CLDN16: variants seen among roughly 807,000 people sequenced by gnomAD.
CLDN16 encodes claudin-16.
CLDN16 carries 13 observed loss-of-function variants against 24.6 expected under a neutral mutation model. The ratio of observed to expected loss-of-function variants is 0.53; its 90% CI spans 0.34 to 0.84. The LOEUF is 0.84. Ranked by LOEUF, CLDN16 falls within the 40% of genes least tolerant of loss-of-function variation. The pLI, the probability that CLDN16 is intolerant of heterozygous loss-of-function variation, is 0.01. For synonymous variants in CLDN16, 116 were observed against 106.7 expected (o/e 1.09, Z -0.54); for missense variants, 298 against 292.7 (o/e 1.02, Z -0.13).
chr3:190,349,957 G>T (rs961641773), intron 1 of CLDN16, among the ~76,000 whole-genome samples: 2 of 152,106 alleles, frequency 1.3e-5, no homozygotes, highest in African/African-American at 4.8e-5. Context: ...TGAAGGATTG[G>T]TCTTAAAACC....
At chr3:190,310,004 T>C in the CLDN16 span, among the ~76,000 whole-genome samples, 3 of 152,202 alleles carry the variant, frequency 2.0e-5, no homozygotes, top group African/African-American at 7.2e-5. Flanking sequence ...AAAGCAATTA[T>C]CAAACTCATT....
chr3:190,298,437 T>G, the CLDN16 span, among the ~76,000 whole-genome samples: 1 of 147,746 alleles, frequency 6.8e-6, no homozygotes, highest in East Asian at 2.0e-4. Context: ...ACGTGCAATG[T>G]GTCCTTCTGG....
chr3:190,370,585 C>T (rs867942806), intron 1 of CLDN16, among the ~76,000 whole-genome samples: 7 of 151,884 alleles, frequency 4.6e-5, no homozygotes, highest in Admixed American at 3.9e-4. Context: ...GCTAAACCTA[C>T]GTCATGTGCA....
At chr3:190,297,988 C>T in the CLDN16 span, among the ~76,000 whole-genome samples, 24 of 151,984 alleles carry the variant, frequency 1.6e-4, no homozygotes, top group Admixed American at 2.6e-4. Flanking sequence ...TGAAACTAAA[C>T]GCCCTAATTC....
upstream of CLDN16, among the ~76,000 whole-genome samples, chr3:190,386,587 C>T (rs62278697): frequency 0.19 from 28,345 of 152,036 alleles, 3,081 homozygotes; most frequent in Middle Eastern, 0.29. Context: ...GATTTCATCA[C>T]GCTATTCAGA....
rs1479096605 is a variant in CLDN16, at chr3:190,410,255, C to T, written c.*219C>T. ...GCTAACCTTCCACCTTATGCACACA[C>T]TTTCCCTATATTTTAAGATAAGTCT... On this transcript the variant is annotated 3_prime_UTR_variant, in exon 5 of 5. Coordinates refer to ENST00000264734, the MANE Select transcript of CLDN16 (RefSeq NM_006580.4). 5.4e-6 allele frequency: 3 copies of T among 551,168 alleles called. No individual in the cohort carries two copies. Among genetic ancestry groups the T allele is most frequent in the Middle Eastern group, 4.9e-4 (1 of 2,028 alleles). The allele number at this position is 551,168 out of a possible 1,614,324, so 34.1% of individuals were successfully genotyped here.
chr3:190,401,300 A>G (rs1718955816), intron 1 of CLDN16, among the ~76,000 whole-genome samples: 1 of 28,630 alleles, frequency 3.5e-5, no homozygotes, highest in Admixed American at 3.9e-4. Flanking sequence ...TCCCCACAGC[A>G]ATTTAACCCC....
the CLDN16 span, among the ~76,000 whole-genome samples, chr3:190,302,974 A>T: frequency 2.0e-5 from 3 of 151,894 alleles, no homozygotes; most frequent in Non-Finnish European, 2.9e-5. Flanking sequence ...AGGGCTAGAG[A>T]AATCACATCA....
intron 2 of CLDN16, among the ~76,000 whole-genome samples, chr3:190,372,664 A>C (rs996931657): frequency 3.3e-5 from 5 of 151,844 alleles, no homozygotes; most frequent in African/African-American, 7.2e-5. Flanking sequence ...TAAATACATA[A>C]ATGAGTTAAA....
chr3:190,373,819 A>C (rs1462499468), intron 2 of CLDN16, among the ~76,000 whole-genome samples: 1 of 143,572 alleles, frequency 7.0e-6, no homozygotes, highest in African/African-American at 2.6e-5. Context: ...TATATATTTT[A>C]AATTGCCTAT....
chr3:190,387,882 G>C (rs1359692881), upstream of CLDN16: 1 of 566,706 alleles, frequency 1.8e-6, no homozygotes, highest in East Asian at 3.0e-5. Context: ...CTTCTTCCGA[G>C]TGGGGAGGAG....
At position 190,322,564 on chromosome 3, in the gene CLDN16, T is replaced by C. The variant is rs188803783; in HGVS notation, n.24T>C. The C allele has an allele frequency of 5.9e-5, 18 of 307,398 alleles. No homozygotes were observed. The East Asian group carries it at 8.1e-4, about 14-fold the overall frequency. The allele number at this position is 307,398 out of a possible 1,614,324, so 19.0% of individuals were successfully genotyped here. ...CCGAGAGGGCGCCGGGAGCGCCCGG[T>C]TGGGGAACGCGCGGCTGGCGGCGTG... On this transcript the variant is annotated non_coding_transcript_exon_variant, in exon 1 of 5. Transcript: ENST00000468220.
the CLDN16 span, among the ~76,000 whole-genome samples, chr3:190,312,509 C>T: frequency 2.0e-5 from 3 of 152,194 alleles, no homozygotes; most frequent in Non-Finnish European, 4.4e-5. Context: ...CTTGTGTTTT[C>T]TCTCACTACT....
Position 190,401,910 on chromosome 3 carries a change from A to G in CLDN16, c.115-427A>G, listed in dbSNP as rs142748185. Among the ~76,000 whole-genome samples, 338 of 152,148 alleles carry G rather than the reference A, an allele frequency of 2.2e-3. 2 individuals carry two copies. In the East Asian group the frequency reaches 0.04, roughly 18 times the overall value. The stretch of plus-strand genomic sequence containing the variant: ...TATTCGTGATAAAGAAACAATATAT[A>G]TTTTTAATAGACTCAAGGTGTCAAC... On this transcript the variant is annotated intron_variant, in intron 1 of 4. Transcript: ENST00000264734.
In CLDN16 at chr3:190,408,456, T is replaced by G. The variant is rs1053422587; in HGVS notation, c.525T>G (p.Gly175=). ...GGCTCGGAATGGCTGGGTCTCTGGG[T>G]TGCTTTTTGGCTGGAGCTGTTCTCA... ...SCWLGMAGSL[G]CFLAGAVLTC... The change falls in exon 4 of 5, where the codon GGT becomes GGG. Residue 175 remains glycine, a synonymous_variant. Transcript: ENST00000264734. 6.2e-7 allele frequency: 1 copy of G among 1,614,130 alleles called. No homozygotes were observed. Among genetic ancestry groups the G allele is most frequent in the Admixed American group, 1.7e-5 (1 of 60,006 alleles).
intron 1 of CLDN16, among the ~76,000 whole-genome samples, chr3:190,398,286 G>A (rs1204598001): frequency 6.6e-6 from 1 of 152,174 alleles, no homozygotes; most frequent in African/African-American, 2.4e-5. Context: ...CACAGTTCTG[G>A]AGGCTGGAAG....
intron 3 of CLDN16, among the ~76,000 whole-genome samples, chr3:190,378,272 T>C (rs1187748267): frequency 6.6e-6 from 1 of 151,902 alleles, no homozygotes; most frequent in East Asian, 1.9e-4. Flanking sequence ...TCCTTGAAGA[T>C]GAAGGAGGGT....
intron 3 of CLDN16, among the ~76,000 whole-genome samples, chr3:190,382,352 T>C (rs113133911): frequency 1.7e-3 from 265 of 152,240 alleles, no homozygotes; most frequent in African/African-American, 6.0e-3. Flanking sequence ...TTGAGGCTGA[T>C]TTTTGATGAA....
chr3:190,365,485 CT>C (rs1718001233), intron 1 of CLDN16, among the ~76,000 whole-genome samples: 1 of 149,770 alleles, frequency 6.7e-6, no homozygotes, highest in African/African-American at 2.5e-5. Context: ...CCTTTTGATA[CT>C]TTTTGGTCAC....
Sources: gnomAD v4.1 joint callset for allele counts (sites outside exome capture counted in the v4.1 genomes callset) on GRCh38, gnomAD v4.1.1 for gene constraint, MANE v1.5 for transcripts, NCBI Gene and HGNC (gene_info 2026-07-23, HGNC 2026-07-21) for gene names.